The following FUT9 variants were observed in gnomAD, a reference collection of about 807,000 sequenced individuals.
The protein encoded by FUT9 is fucosyltransferase 9, also known as 4-galactosyl-N-acetylglucosaminide 3-alpha-L-fucosyltransferase 9.
FUT9 carries 15 observed loss-of-function variants against 29.7 expected under a neutral mutation model. The ratio of observed to expected loss-of-function variants is 0.51; its 90% confidence interval spans 0.34 to 0.78. The LOEUF (loss-of-function observed/expected upper bound fraction) is 0.78, where lower values mean the gene tolerates loss of function less well. Among genes scored for constraint, FUT9 ranks in the 30% least tolerant of loss-of-function variants. The pLI is 0.01. For missense variants in FUT9, 319 were observed against 425.4 expected (o/e 0.75, Z 2.20); for synonymous variants, 169 against 153.7 (o/e 1.10, Z -0.74).
rs371715361 is a variant in FUT9 at position 96,027,932 on chromosome 6, G to T, written c.-98+11720G>T. Among the ~76,000 whole-genome samples the T allele has an allele frequency of 4.0e-5, 6 of 151,496 alleles. No homozygotes were observed. In the East Asian group the frequency reaches 1.2e-3, roughly 29 times the overall value. ...TTTGTAATTTTTTTGTCCCTACATT[G>T]CCTTGTTATTTAATAGCAACATTAA... On this transcript the variant is annotated intron_variant, in intron 1 of 2. Transcript: ENST00000302103.
At chr6:96,149,214 T>G (rs1220916679) in intron 2 of FUT9, among the ~76,000 whole-genome samples, 5 of 152,036 alleles carry the variant, frequency 3.3e-5, no homozygotes, top group Non-Finnish European at 7.4e-5. Flanking sequence ...TTTTATTATG[T>G]ACAGAGTCAG....
intron 2 of FUT9, among the ~76,000 whole-genome samples, chr6:96,198,296 T>C (rs995827637): frequency 8.3e-6 from 1 of 120,868 alleles, no homozygotes; most frequent in Non-Finnish European, 1.6e-5. Context: ...GTCCCCAGAG[T>C]GTGATGTTCC....
chr6:96,071,801 G>T (rs1035084563), intron 1 of FUT9, among the ~76,000 whole-genome samples: 9 of 151,370 alleles, frequency 5.9e-5, no homozygotes, highest in African/African-American at 1.9e-4. Context: ...TAAAATTTAA[G>T]TTTTTTTTTC....
Position 96,212,190 on chromosome 6 carries a change from A to G in FUT9, c.*7955A>G, listed in dbSNP as rs557454539. 1 of 412,638 alleles carries G rather than the reference A, an allele frequency of 2.4e-6. No homozygotes were observed. Among genetic ancestry groups the G allele is most frequent in the South Asian group, 1.3e-4 (1 of 7,856 alleles). The allele number at this position is 412,638 out of a possible 1,614,324, so 25.6% of individuals were successfully genotyped here. A position where few individuals can be genotyped will look rare whatever the true frequency, so the allele number is the denominator to read the frequency against. ...ATATGGGCCAGAGTTACAATATCAC[A>G]TCTCCAGTCTCAGATTGGCCTCATT... is the stretch of plus-strand genomic sequence containing the variant. On this transcript the variant is annotated 3_prime_UTR_variant, in exon 3 of 3. Transcript: ENST00000302103.
chr6:96,189,690 T>C (rs1036295278), intron 2 of FUT9, among the ~76,000 whole-genome samples: 1 of 152,116 alleles, frequency 6.6e-6, no homozygotes, highest in Non-Finnish European at 1.5e-5. Flanking sequence ...TGATCTTTGT[T>C]GGTTTAAAGT....
At chr6:96,150,251 C>A (rs1299919034) in intron 2 of FUT9, among the ~76,000 whole-genome samples, 1 of 152,104 alleles carries the variant, frequency 6.6e-6, no homozygotes, top group Non-Finnish European at 1.5e-5. Context: ...GTGATTCCAG[C>A]TGGAGCAATT....
At chr6:96,076,768 A>G (rs1344989042) in intron 1 of FUT9, among the ~76,000 whole-genome samples, 2 of 152,198 alleles carry the variant, frequency 1.3e-5, no homozygotes, top group Non-Finnish European at 2.9e-5. Context: ...TGGGCAGTTG[A>G]CATGTTTCTA....
At chr6:96,149,802 T>C (rs768353492) in intron 2 of FUT9, among the ~76,000 whole-genome samples, 17 of 152,216 alleles carry the variant, frequency 1.1e-4, no homozygotes, top group Non-Finnish European at 1.8e-4. Flanking sequence ...ATCAGGGTAA[T>C]TGAGGTATCC....
At chr6:96,139,902 T>G (rs1255894639) in intron 2 of FUT9, among the ~76,000 whole-genome samples, 3 of 152,116 alleles carry the variant, frequency 2.0e-5, no homozygotes, top group Non-Finnish European at 4.4e-5. Context: ...CTGAAGACAT[T>G]TTGTCCATTG....
chr6:96,098,841 T>C (rs1771542548), intron 1 of FUT9, among the ~76,000 whole-genome samples: 2 of 152,160 alleles, frequency 1.3e-5, no homozygotes, highest in Admixed American at 6.6e-5. Flanking sequence ...GCTGTTGAAA[T>C]CCAGGGGATT....
chr6:96,156,189 C>G (rs964002455), intron 2 of FUT9, among the ~76,000 whole-genome samples: 1 of 152,188 alleles, frequency 6.6e-6, no homozygotes, highest in Admixed American at 6.5e-5. Context: ...AATTTTCCTT[C>G]CAACTGGCAA....
chr6:96,033,544 T>A (rs1277130888), intron 1 of FUT9, among the ~76,000 whole-genome samples: 2 of 151,608 alleles, frequency 1.3e-5, no homozygotes, highest in Non-Finnish European at 3.0e-5. Flanking sequence ...GGCTGAAAAT[T>A]GTCCAAATCC....
At chr6:96,038,939 G>T (rs1172238119) in intron 1 of FUT9, among the ~76,000 whole-genome samples, 3 of 151,936 alleles carry the variant, frequency 2.0e-5, no homozygotes, top group African/African-American at 4.8e-5. Flanking sequence ...CAAAAACTCA[G>T]GTGTCACCTC....
At chr6:96,057,635 C>A (rs1770795206) in intron 1 of FUT9, among the ~76,000 whole-genome samples, 1 of 152,072 alleles carries the variant, frequency 6.6e-6, no homozygotes, top group African/African-American at 2.4e-5. Flanking sequence ...CCTATTGCTT[C>A]CAAATGCTGA....
intron 2 of FUT9, among the ~76,000 whole-genome samples, chr6:96,122,022 G>A (rs767250890): frequency 2.0e-5 from 3 of 151,916 alleles, no homozygotes; most frequent in Non-Finnish European, 4.4e-5. Flanking sequence ...AAGATGAGAT[G>A]CGCTGGGTAG....
intron 2 of FUT9, among the ~76,000 whole-genome samples, chr6:96,121,779 T>C (rs1379836699): frequency 6.6e-6 from 1 of 152,134 alleles, no homozygotes; most frequent in Non-Finnish European, 1.5e-5. Flanking sequence ...CTTAAATTCA[T>C]GTCATTTAAA....
At chr6:96,028,380 G>A (rs1299749228) in intron 1 of FUT9, among the ~76,000 whole-genome samples, 3 of 151,426 alleles carry the variant, frequency 2.0e-5, no homozygotes, top group Non-Finnish European at 4.4e-5. Context: ...AATGGCAAAG[G>A]AATGCTTAAT....
rs563785876 is a variant in FUT9, at chr6:96,069,428, G to A, written c.-97-44611G>A. 2.6e-4 allele frequency among the ~76,000 whole-genome samples: 39 copies of A among 151,992 alleles called. 1 individual carries two copies. Among genetic ancestry groups the A allele is most frequent in the Middle Eastern group, 6.8e-3 (2 of 294 alleles). ...AATGAGTAATCAGATTGCCAAATGA[G>A]AAGATTGGAAAAAATCTTAGTGACA... On this transcript the variant is annotated intron_variant, in intron 1 of 2. Transcript: ENST00000302103.
intron 1 of FUT9, among the ~76,000 whole-genome samples, chr6:96,107,774 G>A (rs1404035610): frequency 6.6e-6 from 1 of 152,104 alleles, no homozygotes; most frequent in African/African-American, 2.4e-5. Context: ...TATCATTCAA[G>A]GCTAGCCTTC....
Sources: gnomAD v4.1 joint callset for allele counts (sites outside exome capture counted in the v4.1 genomes callset) on GRCh38, gnomAD v4.1.1 for gene constraint, MANE v1.5 for transcripts, NCBI Gene and HGNC (gene_info 2026-07-23, HGNC 2026-07-21) for gene names.